The following HIBCH variants were observed in gnomAD, a reference collection of about 807,000 sequenced individuals.
The protein encoded by HIBCH is 3-hydroxyisobutyryl-CoA hydrolase.
HIBCH carries 50 observed loss-of-function variants against 58.2 expected under a neutral mutation model. The ratio of observed to expected loss-of-function variants is 0.86; its 90% CI spans 0.68 to 1.09. The LOEUF is 1.09. HIBCH is among the 50% of genes least tolerant of loss of function. The probability of loss-of-function intolerance (pLI) is 0.00; values close to 1 mark genes in which losing one functional copy is unlikely to be tolerated. For missense variants in HIBCH, 450 were observed against 449.7 expected, an observed-to-expected ratio of 1.00 and a Z score of -0.01; for synonymous variants, 151 against 146.9, an observed-to-expected ratio of 1.03 and a Z score of -0.20.
chr2:190,224,327 G>T (rs1227242790), intron 11 of HIBCH, among the ~76,000 whole-genome samples: 2 of 152,176 alleles, frequency 1.3e-5, no homozygotes, highest in African/African-American at 4.8e-5. Context: ...CACCTCTGGG[G>T]TCAGGGCTTA....
downstream of HIBCH, chr2:190,201,092 C>T (rs561839518): frequency 6.0e-6 from 1 of 167,030 alleles, no homozygotes; most frequent in Non-Finnish European, 1.5e-5. Context: ...TATTGCAAAA[C>T]GGAAAAGATA....
chr2:190,252,916 C>T (rs550795755), intron 7 of HIBCH, among the ~76,000 whole-genome samples: 31 of 152,110 alleles, frequency 2.0e-4, no homozygotes, highest in Admixed American at 4.6e-4. Context: ...AGGCTAGGCG[C>T]GGTGGCTCAC....
chr2:190,297,596 T>G (rs551972101), intron 2 of HIBCH, among the ~76,000 whole-genome samples: 2 of 152,358 alleles, frequency 1.3e-5, no homozygotes, highest in Admixed American at 1.3e-4. Flanking sequence ...TCCTGTATAC[T>G]GACTTAAAGC....
chr2:190,246,884 G>A (rs371044062), intron 9 of HIBCH, among the ~76,000 whole-genome samples: 2 of 152,090 alleles, frequency 1.3e-5, no homozygotes, highest in Non-Finnish European at 2.9e-5. Context: ...AGTATAAGAG[G>A]GTTCTGCAGG....
intron 6 of HIBCH, among the ~76,000 whole-genome samples, chr2:190,280,565 T>C (rs1559050347): frequency 6.6e-6 from 1 of 152,224 alleles, no homozygotes; most frequent in South Asian, 2.1e-4. Flanking sequence ...CCCAAGCATG[T>C]GCATTTAGAT....
Position 190,209,859 on chromosome 2 carries a change from G to T in HIBCH, c.1012-946C>A, listed in dbSNP as rs756327228. On this transcript the variant is annotated intron_variant, in intron 12 of 13. Coordinates refer to ENST00000359678, the MANE Select transcript of HIBCH (RefSeq NM_014362.4). The surrounding 1 kb of genome is among the most constrained non-coding windows in gnomAD (Gnocchi z 5.6). ...AGCTACATATTAACTATGTGACCTC[G>T]GACTAGTAATTTCTCCAACCCTAGT... 5.3e-5 allele frequency among the ~76,000 whole-genome samples: 8 copies of T among 152,094 alleles called. No individual in the cohort carries two copies. The highest frequency in any genetic ancestry group is 1.2e-4 in the Non-Finnish European group (8 of 68,030).
At chr2:190,248,990 T>G (rs1386799035) in intron 9 of HIBCH, among the ~76,000 whole-genome samples, 1 of 152,238 alleles carries the variant, frequency 6.6e-6, no homozygotes, top group Non-Finnish European at 1.5e-5. Context: ...AGCTGACTTC[T>G]TATTGGCTTT....
intron 2 of HIBCH, among the ~76,000 whole-genome samples, chr2:190,301,433 A>G (rs12467835): frequency 0.16 from 23,972 of 152,198 alleles, 2,705 homozygotes; most frequent in East Asian, 0.4. Context: ...GGACAAAAGA[A>G]AAGGAAAATT....
chr2:190,215,657 CAGA>C lies in HIBCH; in HGVS notation c.892-2585_892-2583del, dbSNP rs1448046892. On this transcript the variant is annotated intron_variant, in intron 11 of 13. Transcript: ENST00000359678. This position sits in a 1 kb window ranked among gnomAD's most constrained non-coding sequence, Gnocchi z 4.4. Reference sequence around the variant, plus strand: ...AATTAAGGAATTACTAAGGGAAGCTCAGAAGGTTTCTGTAAGAAGAAAGGGGGA... The same window carrying C: ...AATTAAGGAATTACTAAGGGAAGCTCAGGTTTCTGTAAGAAGAAAGGGGGA... 1 of 152,120 alleles carries C rather than the reference CAGA, an allele frequency of 6.6e-6. No individual in the cohort carries two copies. Among genetic ancestry groups the C allele is most frequent in the Non-Finnish European group, 1.5e-5 (1 of 68,050 alleles). The allele number at this position is 152,120 out of a possible 1,614,324, so 9.4% of individuals were successfully genotyped here. A position where few individuals can be genotyped will look rare whatever the true frequency, so the allele number is the denominator to read the frequency against.
At chr2:190,308,223 T>C (rs73981048) in intron 2 of HIBCH, among the ~76,000 whole-genome samples, 2,068 of 152,330 alleles carry the variant, frequency 0.014, 57 homozygotes, top group African/African-American at 0.046. Flanking sequence ...GATTCTGTCA[T>C]GTCTTCCCAT....
intron 1 of HIBCH, among the ~76,000 whole-genome samples, chr2:190,195,464 T>G (rs1689925058): frequency 6.6e-6 from 1 of 152,212 alleles, no homozygotes; most frequent in African/African-American, 2.4e-5. Flanking sequence ...TTCTGTTGCT[T>G]TTGCCATTAT....
chr2:190,191,885 G>C (rs189856886), intron 1 of HIBCH, among the ~76,000 whole-genome samples: 4 of 151,576 alleles, frequency 2.6e-5, no homozygotes, highest in Non-Finnish European at 5.9e-5. Context: ...ATGATGACTT[G>C]CAAATATTTT....
chr2:190,249,338 T>C lies in HIBCH; in HGVS notation c.750+302A>G, dbSNP rs138704142. Reference sequence around the variant, plus strand: ...AGAGTTTGCATCTCCACAAATAGTGTTAACATTGAACACCGTTTACAGAAA... The same window carrying C: ...AGAGTTTGCATCTCCACAAATAGTGCTAACATTGAACACCGTTTACAGAAA... On this transcript the variant is annotated intron_variant, in intron 9 of 13. Transcript: ENST00000359678. 5.3e-5 allele frequency among the ~76,000 whole-genome samples: 8 copies of C among 152,320 alleles called. No individual in the cohort carries two copies. The East Asian group carries it at 1.4e-3, about 26-fold the overall frequency.
At position 190,279,343 on chromosome 2, in the gene HIBCH, T is replaced by A. The variant is rs1437318821; in HGVS notation, c.438+8243A>T. On this transcript the variant is annotated intron_variant, in intron 6 of 13. Transcript: ENST00000359678. The surrounding 1 kb of genome is among the most constrained non-coding windows in gnomAD (Gnocchi z 4.2). ...CAAATATTCAAACCGTAGCATTCCA[T>A]CCCTGACCTCCCAAACTCATATCCT... 6.6e-6 allele frequency among the ~76,000 whole-genome samples: 1 copy of A among 152,218 alleles called. No individual in the cohort carries two copies. Among genetic ancestry groups the A allele is most frequent in the Non-Finnish European group, 1.5e-5 (1 of 68,032 alleles).
At chr2:190,228,095 T>C (rs1685969119) in intron 11 of HIBCH, among the ~76,000 whole-genome samples, 1 of 152,146 alleles carries the variant, frequency 6.6e-6, no homozygotes, top group African/African-American at 2.4e-5. Flanking sequence ...TAAAGACACA[T>C]GCACACATAT....
Position 190,209,045 on chromosome 2 carries a change from A to C in HIBCH, c.1012-132T>G. ...CTGAACCATGACATTCAGAGACTGAACCACCTCTGATAGCCCACTCTCTGA... is the reference window on the plus strand; with the variant it reads ...CTGAACCATGACATTCAGAGACTGACCCACCTCTGATAGCCCACTCTCTGA... On this transcript the variant is annotated intron_variant, in intron 12 of 13. Coordinates refer to ENST00000359678, the MANE Select transcript of HIBCH (RefSeq NM_014362.4). The surrounding 1 kb of genome is among the most constrained non-coding windows in gnomAD (Gnocchi z 5.6). The C allele has an allele frequency of 1.3e-6, 1 of 765,014 alleles. No individual in the cohort carries two copies. Among genetic ancestry groups the C allele is most frequent in the South Asian group, 1.5e-5 (1 of 68,614 alleles). 47.4% of individuals were successfully genotyped at this position (765,014 alleles called of 1,614,324 possible).
At chr2:190,190,407 T>C (rs1376772939) in intron 1 of HIBCH, among the ~76,000 whole-genome samples, 1 of 152,232 alleles carries the variant, frequency 6.6e-6, no homozygotes, top group Non-Finnish European at 1.5e-5. Flanking sequence ...TCAAGTTATA[T>C]TCCATTTTGA....
chr2:190,316,142 C>CTATT (rs10554040), intron 1 of HIBCH, among the ~76,000 whole-genome samples: 2 of 151,946 alleles, frequency 1.3e-5, no homozygotes, highest in Non-Finnish European at 2.9e-5. Context: ...TTTTTGTATT[C>CTATT]TATTTATTTA....
At chr2:190,305,563 C>G (rs576616208) in intron 2 of HIBCH, among the ~76,000 whole-genome samples, 25 of 152,198 alleles carry the variant, frequency 1.6e-4, no homozygotes, top group African/African-American at 4.6e-4. Context: ...ATACAACAAC[C>G]CTGTTTCCAG....
Sources: gnomAD v4.1 joint callset for allele counts (sites outside exome capture counted in the v4.1 genomes callset) on GRCh38, gnomAD v4.1.1 for gene constraint, Gnocchi (gnomAD v3.1) non-coding constraint, MANE v1.5 for transcripts, NCBI Gene and HGNC (gene_info 2026-07-23, HGNC 2026-07-21) for gene names.